Variants in GABRB1 observed in about 807,000 individuals in gnomAD.
The protein encoded by GABRB1 is gamma-aminobutyric acid type A receptor subunit beta1.
In GABRB1, 17 loss-of-function variants were observed where a neutral mutation model predicts 51.6. The observed-to-expected ratio is 0.33, with a 90% confidence interval of 0.23 to 0.49. The LOEUF is 0.49. GABRB1 is among the 20% of genes least tolerant of loss of function. The probability of loss-of-function intolerance (pLI) is 0.99; values close to 1 mark genes in which losing one functional copy is unlikely to be tolerated. For missense variants in GABRB1, 410 were observed against 600.6 expected (o/e 0.68, Z 3.32); for synonymous variants, 247 against 218.9 (o/e 1.13, Z -1.14).
intron 1 of GABRB1, among the ~76,000 whole-genome samples, chr4:47,005,350 G>A (rs572792067): frequency 5.9e-5 from 9 of 152,266 alleles, no homozygotes; most frequent in East Asian, 3.9e-4. Flanking sequence ...CCCGAGAGGC[G>A]GAGCTTGCAG....
intron 2 of GABRB1, 68 bp downstream of exon 2, chr4:47,032,073 C>CAAAAAAAAAAAAAAAAAAAAAAAA: frequency 2.2e-6 from 1 of 449,868 alleles, no homozygotes; most frequent in East Asian, 4.3e-5. Context: ...AGATAAATGT[C>CAAAAAAAAAAAAAAAAAAAAAAAA]AAAAAAAAAA....
intron 3 of GABRB1, among the ~76,000 whole-genome samples, chr4:47,098,455 T>C (rs1276132109): frequency 6.6e-6 from 1 of 152,066 alleles, no homozygotes; most frequent in Non-Finnish European, 1.5e-5. Flanking sequence ...CTGTTTTTTT[T>C]CCCCCCAATT....
chr4:47,070,030 T>C (rs189136062), intron 3 of GABRB1, among the ~76,000 whole-genome samples: 6 of 151,890 alleles, frequency 4.0e-5, no homozygotes, highest in Admixed American at 3.3e-4. Context: ...GTTGCTGTTT[T>C]TTTTTTTCTT....
intron 4 of GABRB1, among the ~76,000 whole-genome samples, chr4:47,175,210 TTC>T (rs1356176612): frequency 6.6e-6 from 1 of 150,784 alleles, no homozygotes; most frequent in Admixed American, 6.6e-5. Context: ...CTTTCTTTCT[TTC>T]TCTCTTTCTT....
intron 3 of GABRB1, among the ~76,000 whole-genome samples, chr4:47,057,840 G>C (rs1726685039): frequency 6.6e-6 from 1 of 152,214 alleles, no homozygotes; most frequent in Admixed American, 6.5e-5. Context: ...GTTGAAGCAT[G>C]CATGAATTTT....
upstream of GABRB1, chr4:47,031,488 GC>G: frequency 1.6e-6 from 1 of 630,130 alleles, no homozygotes; most frequent in Admixed American, 2.7e-5. Context: ...GAAATCTGTT[GC>G]CTGTTCCACT....
chr4:47,289,844 T>C (rs1723657202), intron 4 of GABRB1, among the ~76,000 whole-genome samples: 1 of 152,226 alleles, frequency 6.6e-6, no homozygotes, highest in Non-Finnish European at 1.5e-5. Context: ...CATTAAACTA[T>C]GTTATGGCAT....
At chr4:47,203,704 A>G (rs540945375) in intron 4 of GABRB1, among the ~76,000 whole-genome samples, 8 of 152,140 alleles carry the variant, frequency 5.3e-5, no homozygotes, top group East Asian at 1.9e-4. Context: ...TCTTCCCTCA[A>G]TGGTCCCATG....
At chr4:47,155,947 G>T (rs868472444) in intron 3 of GABRB1, among the ~76,000 whole-genome samples, 79 of 29,562 alleles carry the variant, frequency 2.7e-3, no homozygotes, top group Non-Finnish European at 5.5e-3. Flanking sequence ...ATATATATAT[G>T]AAACCACTTT....
chr4:47,073,488 A>G (rs895881124), intron 3 of GABRB1, among the ~76,000 whole-genome samples: 5 of 152,200 alleles, frequency 3.3e-5, no homozygotes, highest in African/African-American at 1.2e-4. Context: ...AAACTCAGGT[A>G]TACATGGAAA....
intron 3 of GABRB1, among the ~76,000 whole-genome samples, chr4:47,074,031 A>G (rs1425303447): frequency 1.6e-4 from 25 of 152,224 alleles, no homozygotes; most frequent in Non-Finnish European, 1.2e-4. Flanking sequence ...TTTATAAGTT[A>G]CAATATGTAA....
intron 3 of GABRB1, among the ~76,000 whole-genome samples, chr4:47,155,354 T>C (rs542565364): frequency 6.6e-6 from 1 of 152,178 alleles, no homozygotes; most frequent in Non-Finnish European, 1.5e-5. Flanking sequence ...TTTTAATATA[T>C]ATTAAAATCA....
intron 4 of GABRB1, among the ~76,000 whole-genome samples, chr4:47,239,059 TG>T (rs1490257505): frequency 6.6e-6 from 1 of 152,216 alleles, no homozygotes; most frequent in East Asian, 1.9e-4. Context: ...TCTTTTATGA[TG>T]TATTTTTTTA....
chr4:47,271,056 A>AT (rs1722857382), intron 4 of GABRB1, among the ~76,000 whole-genome samples: 1 of 152,170 alleles, frequency 6.6e-6, no homozygotes, highest in Non-Finnish European at 1.5e-5. Flanking sequence ...TGAAAATATA[A>AT]AATAAAGTTA....
intron 4 of GABRB1, among the ~76,000 whole-genome samples, chr4:47,306,383 T>G: frequency 1.4e-5 from 2 of 141,940 alleles, no homozygotes; most frequent in African/African-American, 5.3e-5. Context: ...AGGTGCGGGG[T>G]AGAGATAGAA....
At chr4:47,420,979 G>C (rs6841818) in intron 8 of GABRB1, among the ~76,000 whole-genome samples, 51,553 of 121,478 alleles carry the variant, frequency 0.42, 9,631 homozygotes, top group African/African-American at 0.63. Flanking sequence ...CACACACACA[G>C]AGTCTGTTAA....
chr4:47,133,038 TCTA>T lies in GABRB1; in HGVS notation c.241-28207_241-28205del, dbSNP rs527985803. ...TTGAAACCCATCACTCTGTATCTAT[TCTA>T]CTATGTCTTAATTTTCTTCAGGATA... On this transcript the variant is annotated intron_variant, in intron 3 of 8. Coordinates refer to ENST00000295454, the MANE Select transcript of GABRB1 (RefSeq NM_000812.4). Among the ~76,000 whole-genome samples the T allele has an allele frequency of 2.7e-3, 416 of 152,378 alleles. 7 individuals are homozygous for T. Among genetic ancestry groups the T allele is most frequent in the Non-Finnish European group, 1.4e-3 (93 of 68,032 alleles).
chr4:47,349,189 C>A (rs1263337231), intron 5 of GABRB1, among the ~76,000 whole-genome samples: 1 of 152,024 alleles, frequency 6.6e-6, no homozygotes, highest in Non-Finnish European at 1.5e-5. Flanking sequence ...GAATTATTTG[C>A]ATATTTTGAT....
intron 4 of GABRB1, among the ~76,000 whole-genome samples, chr4:47,265,742 T>C (rs1722620363): frequency 6.6e-6 from 1 of 152,200 alleles, no homozygotes; most frequent in Non-Finnish European, 1.5e-5. Context: ...TATGCCTTCT[T>C]TTGAGAAATG....
Sources: allele counts gnomAD v4.1 joint callset (sites outside exome capture counted in the v4.1 genomes callset), GRCh38; gene constraint gnomAD v4.1.1; transcripts MANE v1.5; gene names NCBI Gene and HGNC (gene_info 2026-07-23, HGNC 2026-07-21).